CLYBL: variants seen among roughly 807,000 people sequenced by gnomAD.
CLYBL encodes the protein citramalyl-CoA lyase.
CLYBL carries 31 observed loss-of-function variants against 38.9 expected under a neutral mutation model. The observed-to-expected ratio is 0.80, with a 90% CI of 0.60 to 1.08. CLYBL has a LOEUF of 1.08. Among genes scored for constraint, CLYBL ranks in the 50% least tolerant of loss-of-function variants. The pLI is 0.00. For synonymous variants in CLYBL, 171 were observed against 158.6 expected (o/e 1.08, Z -0.59); for missense variants, 434 against 411.6 (o/e 1.05, Z -0.47).
chr13:99,763,956 G>T (rs893883361), intron 1 of CLYBL, among the ~76,000 whole-genome samples: 1 of 151,582 alleles, frequency 6.6e-6, no homozygotes, highest in Non-Finnish European at 1.5e-5. Flanking sequence ...TCCTTTTTTC[G>T]TCATGTCCTT....
At chr13:99,854,957 C>T (rs1406800982) in intron 2 of CLYBL, among the ~76,000 whole-genome samples, 4 of 152,148 alleles carry the variant, frequency 2.6e-5, no homozygotes, top group Admixed American at 2.0e-4. Flanking sequence ...CGATTGAATG[C>T]GGCAACTTTG....
intron 2 of CLYBL, among the ~76,000 whole-genome samples, chr13:99,829,977 G>A (rs779472909): frequency 5.3e-5 from 8 of 152,134 alleles, no homozygotes; most frequent in Non-Finnish European, 8.8e-5. Context: ...AATTCACACC[G>A]GAGCAAGCTT....
intron 1 of CLYBL, among the ~76,000 whole-genome samples, chr13:99,734,668 G>T (rs1288293209): frequency 6.6e-6 from 1 of 152,074 alleles, no homozygotes; most frequent in East Asian, 1.9e-4. Flanking sequence ...TTTGTCCATG[G>T]CTACACCCAT....
At chr13:99,850,100 T>C (rs2051296974) in intron 2 of CLYBL, among the ~76,000 whole-genome samples, 1 of 152,194 alleles carries the variant, frequency 6.6e-6, no homozygotes. Flanking sequence ...GTCAGTGGTC[T>C]CAAGATGATA....
chr13:99,693,921 T>C lies in CLYBL; in HGVS notation c.63-78903T>C, dbSNP rs184863781. Among the ~76,000 whole-genome samples, 193 of 152,284 alleles carry C rather than the reference T, an allele frequency of 1.3e-3. 1 individual carries two copies. The highest frequency in any genetic ancestry group is 4.5e-3 in the African/African-American group (185 of 41,554). On this transcript the variant is annotated intron_variant, in intron 1 of 8. Transcript: ENST00000339105. ...TAAGAGAGAGCTGGCCCCTACTGAA[T>C]TGGCCACCTTTGATGTTACAGTACT...
At chr13:99,868,835 T>C (rs1020173486) in intron 6 of CLYBL, among the ~76,000 whole-genome samples, 1 of 152,204 alleles carries the variant, frequency 6.6e-6, no homozygotes, top group African/African-American at 2.4e-5. Flanking sequence ...AGATTATAAA[T>C]ATGAAGCACT....
chr13:99,799,094 C>A lies in CLYBL; in HGVS notation c.249+26084C>A, dbSNP rs2050078772. Among the ~76,000 whole-genome samples, 2 of 152,132 alleles carry A rather than the reference C, an allele frequency of 1.3e-5. 1 individual carries two copies. The highest frequency in any genetic ancestry group is 4.2e-4 in the South Asian group (2 of 4,818). On this transcript the variant is annotated intron_variant, in intron 2 of 8. Transcript: ENST00000339105. ...CGAGAAATGGCCAAACATGCTATTT[C>A]TTAGAGACCGTTTCTTTTTAAGGGA...
intron 6 of CLYBL, among the ~76,000 whole-genome samples, chr13:99,868,529 A>G (rs1463391768): frequency 1.3e-5 from 2 of 152,212 alleles, no homozygotes; most frequent in Admixed American, 6.5e-5. Flanking sequence ...TGTGTTATCC[A>G]TAACGCTGGT....
chr13:99,781,609 G>T (rs539829329), intron 2 of CLYBL, among the ~76,000 whole-genome samples: 19 of 152,274 alleles, frequency 1.2e-4, no homozygotes, highest in African/African-American at 4.6e-4. Context: ...CTGGGTAGCT[G>T]GGATTACAAG....
chr13:99,677,869 AAGC>A, intron 1 of CLYBL, among the ~76,000 whole-genome samples: 1 of 152,330 alleles, frequency 6.6e-6, no homozygotes, highest in Middle Eastern at 3.4e-3. Context: ...AGTGAGAGGA[AAGC>A]TATGGATAAA....
intron 2 of CLYBL, among the ~76,000 whole-genome samples, chr13:99,793,648 C>T (rs1368962786): frequency 6.6e-6 from 1 of 152,050 alleles, no homozygotes; most frequent in African/African-American, 2.4e-5. Context: ...CCTCTTAATG[C>T]AAGGATTCAA....
At chr13:99,702,102 C>T (rs550970414) in intron 1 of CLYBL, among the ~76,000 whole-genome samples, 1 of 152,142 alleles carries the variant, frequency 6.6e-6, no homozygotes, top group South Asian at 2.1e-4. Context: ...TTTCATCACA[C>T]CTTTTATTTT....
At chr13:99,760,893 C>G (rs2049152045) in intron 1 of CLYBL, among the ~76,000 whole-genome samples, 1 of 152,196 alleles carries the variant, frequency 6.6e-6, no homozygotes, top group South Asian at 2.1e-4. Context: ...TTTCTTCTAG[C>G]TATTTGGAAA....
intron 1 of CLYBL, among the ~76,000 whole-genome samples, chr13:99,727,804 G>A (rs2048504815): frequency 6.6e-6 from 1 of 152,142 alleles, no homozygotes; most frequent in South Asian, 2.1e-4. Context: ...ATTGCCGGGT[G>A]CGGTGGCTCA....
chr13:99,753,884 T>A (rs1236120593), intron 1 of CLYBL, among the ~76,000 whole-genome samples: 1 of 149,622 alleles, frequency 6.7e-6, no homozygotes, highest in East Asian at 2.0e-4. Flanking sequence ...AGGTCAGGAG[T>A]TCGAGACCAG....
chr13:99,891,540 TTAATC>T (rs2052490179), intron 8 of CLYBL, 103 bp downstream of exon 8: 4 of 619,876 alleles, frequency 6.5e-6, no homozygotes, highest in Non-Finnish European at 1.1e-5. Context: ...ACAGTTCATG[TTAATC>T]ACAATTTTGT....
At chr13:99,862,288 T>G (rs2051622362) in intron 3 of CLYBL, among the ~76,000 whole-genome samples, 1 of 152,188 alleles carries the variant, frequency 6.6e-6, no homozygotes, top group Non-Finnish European at 1.5e-5. Context: ...ATTTAGAGTG[T>G]GTTTTTTTCC....
intron 1 of CLYBL, among the ~76,000 whole-genome samples, chr13:99,718,999 C>T (rs1006501708): frequency 5.9e-5 from 9 of 151,798 alleles, no homozygotes; most frequent in Non-Finnish European, 1.0e-4. Context: ...TGCACCACCA[C>T]GCCTGGCTTA....
intron 1 of CLYBL, among the ~76,000 whole-genome samples, chr13:99,654,742 A>C (rs2047304384): frequency 6.6e-6 from 1 of 152,186 alleles, no homozygotes; most frequent in Non-Finnish European, 1.5e-5. Flanking sequence ...GCCGTGGCTC[A>C]CGCCTGTAAT....
Sources: gnomAD v4.1 joint callset for allele counts (sites outside exome capture counted in the v4.1 genomes callset) on GRCh38, gnomAD v4.1.1 for gene constraint, MANE v1.5 for transcripts, NCBI Gene and HGNC (gene_info 2026-07-23, HGNC 2026-07-21) for gene names.